The following CYSLTR1 variants were observed in gnomAD, a reference collection of about 807,000 sequenced individuals.
CYSLTR1 encodes cysteinyl leukotriene receptor 1.
CYSLTR1 carries 1 observed loss-of-function variant against 2.1 expected under a neutral mutation model. The ratio of observed to expected loss-of-function variants is 0.48; its 90% CI spans 0.17 to 2.28. CYSLTR1 has a LOEUF of 2.28. Among genes scored for constraint, CYSLTR1 ranks in the 30% most tolerant of loss-of-function variants. CYSLTR1 has a pLI of 0.26. For synonymous variants in CYSLTR1, 110 were observed against 89.6 expected, an observed-to-expected ratio of 1.23 and a Z score of -1.28; for missense variants, 299 against 250.1, an observed-to-expected ratio of 1.20 and a Z score of -1.32.
chrX:78,272,648 A>T lies in CYSLTR1; in HGVS notation c.*85T>A, dbSNP rs1353359664. The T allele has an allele frequency of 1.2e-5, 12 of 965,056 alleles. No homozygotes were observed. The South Asian group carries it at 3.9e-4, about 31-fold the overall frequency. 79.5% of individuals were successfully genotyped at this position (965,056 alleles called of 1,213,427 possible). The stretch of plus-strand genomic sequence containing the variant: ...TAAGTATTTGTAAAATATTAAGTAA[A>T]ATTTTTATTTTTTTTGTAAATGATT... On this transcript the variant is annotated 3_prime_UTR_variant, in exon 3 of 3. Coordinates refer to ENST00000373304, the MANE Select transcript of CYSLTR1 (RefSeq NM_006639.4).
intron 1 of CYSLTR1, among the ~76,000 whole-genome samples, chrX:78,292,858 G>A (rs1350199548): frequency 9.5e-6 from 1 of 105,243 alleles, no homozygotes; most frequent in Non-Finnish European, 1.9e-5. Context: ...TTTATTTTGA[G>A]CCTATGTGTG....
intron 1 of CYSLTR1, among the ~76,000 whole-genome samples, chrX:78,303,227 C>T (rs978664499): frequency 9.9e-5 from 11 of 111,541 alleles, no homozygotes; most frequent in African/African-American, 3.6e-4. Context: ...CAATGCCTCA[C>T]AATTGCTGCT....
In CYSLTR1 at chrX:78,272,673, T is replaced by G; in HGVS notation, c.*60A>C. 9.7e-7 allele frequency: 1 copy of G among 1,035,470 alleles called. No homozygotes were observed. Among genetic ancestry groups the G allele is most frequent in the South Asian group, 3.3e-5 (1 of 30,606 alleles). 85.3% of individuals were successfully genotyped at this position (1,035,470 alleles called of 1,213,427 possible). A position where few individuals can be genotyped will look rare whatever the true frequency, so the allele number is the denominator to read the frequency against. On this transcript the variant is annotated 3_prime_UTR_variant, in exon 3 of 3. Coordinates refer to ENST00000373304, the MANE Select transcript of CYSLTR1 (RefSeq NM_006639.4). ...AATTTTTATTTTTTTTGTAAATGATTTGACAAAATACTTATTTGGGAAACT... is the reference window on the plus strand; with the variant it reads ...AATTTTTATTTTTTTTGTAAATGATGTGACAAAATACTTATTTGGGAAACT...
chrX:78,291,235 T>G (rs1223411218), intron 1 of CYSLTR1, among the ~76,000 whole-genome samples: 1 of 111,444 alleles, frequency 9.0e-6, no homozygotes, highest in Non-Finnish European at 1.9e-5. Flanking sequence ...TTATTGTTGG[T>G]TCTGTTTATG....
At chrX:78,278,510 G>A (rs1306557006) in intron 2 of CYSLTR1, among the ~76,000 whole-genome samples, 1 of 112,081 alleles carries the variant, frequency 8.9e-6, no homozygotes, top group Non-Finnish European at 1.9e-5. Flanking sequence ...CTCCTGGAGG[G>A]GAAGAATCAA....
intron 1 of CYSLTR1, among the ~76,000 whole-genome samples, chrX:78,293,173 G>C (rs1389003116): frequency 9.1e-6 from 1 of 110,040 alleles, no homozygotes; most frequent in African/African-American, 3.3e-5. Flanking sequence ...GGCAGGCCTG[G>C]TGGTGACAAA....
chrX:78,298,126 T>A (rs1191430226), intron 1 of CYSLTR1, among the ~76,000 whole-genome samples: 2 of 111,488 alleles, frequency 1.8e-5, no homozygotes, highest in African/African-American at 6.5e-5. Flanking sequence ...AATTGTTTCC[T>A]TGACAAACTG....
chrX:78,308,361 A>C (rs975914310), intron 1 of CYSLTR1, among the ~76,000 whole-genome samples: 9 of 112,211 alleles, frequency 8.0e-5, no homozygotes, highest in African/African-American at 2.6e-4. Flanking sequence ...AAATAAAAAG[A>C]AATGTCTGCT....
intron 1 of CYSLTR1, among the ~76,000 whole-genome samples, chrX:78,301,256 A>G (rs762977220): frequency 2.2e-4 from 25 of 112,407 alleles, no homozygotes; most frequent in African/African-American, 7.7e-4. Context: ...TTACTTATTC[A>G]AATTTCTGCA....
chrX:78,318,726 T>C (rs1923517564), intron 1 of CYSLTR1, among the ~76,000 whole-genome samples: 1 of 111,469 alleles, frequency 9.0e-6, no homozygotes, highest in Non-Finnish European at 1.9e-5. Flanking sequence ...CAAAATTAAC[T>C]TCCCCACCTT....
intron 1 of CYSLTR1, among the ~76,000 whole-genome samples, chrX:78,288,646 A>G (rs759671089): frequency 1.1e-3 from 128 of 112,245 alleles, no homozygotes; most frequent in Non-Finnish European, 2.0e-3. Flanking sequence ...CATGCAATGC[A>G]TAATAATCAC....
At chrX:78,286,704 T>C (rs1922088638) in intron 1 of CYSLTR1, among the ~76,000 whole-genome samples, 1 of 99,899 alleles carries the variant, frequency 1.0e-5, no homozygotes, top group Admixed American at 1.1e-4. Flanking sequence ...TATGTTCTCA[T>C]TGTTCAATTC....
intron 1 of CYSLTR1, among the ~76,000 whole-genome samples, chrX:78,295,761 C>A (rs1050422045): frequency 9.0e-6 from 1 of 111,421 alleles, no homozygotes; most frequent in Admixed American, 9.5e-5. Flanking sequence ...TTTTCCTATA[C>A]AATTGTTTGA....
chrX:78,312,319 TTA>T (rs1434527159), intron 1 of CYSLTR1, among the ~76,000 whole-genome samples: 4 of 111,197 alleles, frequency 3.6e-5, no homozygotes, highest in African/African-American at 1.3e-4. Flanking sequence ...TATACAAAAA[TTA>T]ACTGAAGATG....
chrX:78,309,093 T>C, intron 1 of CYSLTR1, among the ~76,000 whole-genome samples: 1 of 111,899 alleles, frequency 8.9e-6, no homozygotes, highest in Non-Finnish European at 1.9e-5. Context: ...CTAAGGTGAA[T>C]GCCAAGTAAA....
At chrX:78,304,601 C>G (rs59230457) in intron 1 of CYSLTR1, among the ~76,000 whole-genome samples, 1,367 of 110,568 alleles carry the variant, frequency 0.012, 28 homozygotes, top group African/African-American at 0.043. Context: ...TAGGATTAAA[C>G]AAACTTTATT....
chrX:78,301,222 T>G (rs1186672983), intron 1 of CYSLTR1, among the ~76,000 whole-genome samples: 1 of 112,615 alleles, frequency 8.9e-6, no homozygotes, highest in Admixed American at 9.3e-5. Context: ...CCCATTGTCT[T>G]GGTGATTAAC....
intron 1 of CYSLTR1, among the ~76,000 whole-genome samples, chrX:78,324,775 T>C (rs1441145500): frequency 8.9e-6 from 1 of 111,906 alleles, no homozygotes; most frequent in Non-Finnish European, 1.9e-5. Context: ...TCATATCTGA[T>C]TGAACTGGGA....
In CYSLTR1 at chrX:78,287,936, G is replaced by T. The variant is rs192922855; in HGVS notation, c.-114-4396C>A. On this transcript the variant is annotated intron_variant, in intron 1 of 2. Transcript: ENST00000373304. The stretch of plus-strand genomic sequence containing the variant: ...GCACTTTAAATGTGTGCAGATTACT[G>T]CATGTCAGTTCTACCTCAGTACAGC... Among the ~76,000 whole-genome samples, 4 of 111,462 alleles carry T rather than the reference G, an allele frequency of 3.6e-5. No individual in the cohort carries two copies. In the East Asian group the frequency reaches 8.4e-4, roughly 23 times the overall value.
Sources: allele counts gnomAD v4.1 joint callset (sites outside exome capture counted in the v4.1 genomes callset), GRCh38; gene constraint gnomAD v4.1.1; transcripts MANE v1.5; gene names NCBI Gene and HGNC (gene_info 2026-07-23, HGNC 2026-07-21).